Variants in GSDMB observed in about 807,000 individuals in gnomAD.
The protein encoded by GSDMB is gasdermin-B.
A neutral mutation model predicts 42.9 loss-of-function variants in GSDMB; 32 were observed. The observed-to-expected ratio is 0.75, with a 90% CI of 0.56 to 1.00. GSDMB has a LOEUF of 1.00. Among genes scored for constraint, GSDMB ranks in the 50% least tolerant of loss-of-function variants. GSDMB has a pLI of 0.00. For missense variants in GSDMB, 468 were observed against 498.5 expected (o/e 0.94, Z 0.58); for synonymous variants, 175 against 193.7 (o/e 0.90, Z 0.80).
At chr17:39,906,895 T>C in intron 7 of GSDMB, 66 bp downstream of exon 7, 1 of 1,611,736 alleles carries the variant, frequency 6.2e-7, no homozygotes, top group Non-Finnish European at 8.5e-7. Context: ...AGCAGCAGTC[T>C]TGAGCCACAT....
Position 39,905,513 on chromosome 17 carries a change from A to T in GSDMB, c.1028-17T>A. ...CAGACAGCTCTGGGGGCAAAGAAAG[A>T]GTGGTAAAAAGGAGAGATATATGGT... is the stretch of plus-strand genomic sequence containing the variant. On this transcript the variant is annotated splice_polypyrimidine_tract_variant and intron_variant, in intron 9 of 10. Coordinates refer to ENST00000418519, the MANE Select transcript of GSDMB (RefSeq NM_001165958.2). 1 of 1,595,802 alleles carries T rather than the reference A, an allele frequency of 6.3e-7. No individual in the cohort carries two copies. Among genetic ancestry groups the T allele is most frequent in the South Asian group, 1.1e-5 (1 of 89,266 alleles).
intron 3 of GSDMB, among the ~76,000 whole-genome samples, chr17:39,911,945 C>A (rs921571358): frequency 6.0e-5 from 9 of 150,148 alleles, no homozygotes; most frequent in Admixed American, 1.3e-4. Flanking sequence ...CAAAAAAAAA[C>A]AAAACAAAAA....
rs202216767 is a variant in GSDMB at position 39,905,448 on chromosome 17, G to A, written c.1076C>T (p.Thr359Ile). The change falls in exon 10 of 11, where the codon ACC (threonine) becomes ATC (isoleucine). Residue 359 changes from threonine to isoleucine, a missense_variant. Transcript: ENST00000418519. ...QFVAEALEKGTLPLLKDQVKS... is the reference protein window; with the variant it reads ...QFVAEALEKGILPLLKDQVKS... Reference sequence around the variant, plus strand: ...CACCTGGTCCTTCAACAGAGGAAGGGTCCCCTTCTCCAGGGCCTCAGCCAC... The same window carrying A: ...CACCTGGTCCTTCAACAGAGGAAGGATCCCCTTCTCCAGGGCCTCAGCCAC... 5.1e-5 allele frequency: 82 copies of A among 1,608,002 alleles called. No individual in the cohort carries two copies. Among genetic ancestry groups the A allele is most frequent in the Non-Finnish European group, 6.9e-5 (81 of 1,177,126 alleles).
At position 39,908,952 on chromosome 17, in the gene GSDMB, G is replaced by A; in HGVS notation, c.661+6C>T. Reference sequence around the variant, plus strand: ...CCCATCCTGTTCTCCATCTGCCTTTGCTTACTCATCGTCTCCTTGTTGGGG... The same window carrying A: ...CCCATCCTGTTCTCCATCTGCCTTTACTTACTCATCGTCTCCTTGTTGGGG... On this transcript the variant is annotated splice_donor_region_variant and intron_variant, in intron 5 of 10. Coordinates refer to ENST00000418519, the MANE Select transcript of GSDMB (RefSeq NM_001165958.2). The A allele has an allele frequency of 6.3e-7, 1 of 1,577,478 alleles. No individual in the cohort carries two copies. The highest frequency in any genetic ancestry group is 1.4e-5 in the African/African-American group (1 of 73,908).
At position 39,918,573 on chromosome 17, in the gene GSDMB, G is replaced by A. The variant is rs895393025; in HGVS notation, c.-54C>T. 3.9e-5 allele frequency: 6 copies of A among 152,358 alleles called. No individual in the cohort carries two copies. The highest frequency in any genetic ancestry group is 1.4e-4 in the African/African-American group (6 of 41,408). The allele number at this position is 152,358 out of a possible 1,614,324, so 9.4% of individuals were successfully genotyped here. A position where few individuals can be genotyped will look rare whatever the true frequency, so the allele number is the denominator to read the frequency against. ...CAGCTGTTCACCAGAAATGGAAGTT[G>A]TGAGAATCCCCACAGATCTCTGCAC... On this transcript the variant is annotated 5_prime_UTR_variant, in exon 1 of 11. Transcript: ENST00000418519.
intron 10 of GSDMB, 75 bp downstream of exon 10, chr17:39,905,351 G>A: frequency 3.0e-6 from 3 of 997,728 alleles, no homozygotes; most frequent in Non-Finnish European, 3.1e-6. Flanking sequence ...GCTGTACCCT[G>A]GGACTTCTGG....
At chr17:39,918,228 C>G (rs2063750466) in intron 1 of GSDMB, 1 of 152,216 alleles carries the variant, frequency 6.6e-6, no homozygotes, top group Non-Finnish European at 1.5e-5. Flanking sequence ...CTTGGGCTCC[C>G]TGCCTTGCTG....
intron 6 of GSDMB, 81 bp from the exon 7 acceptor site, chr17:39,907,068 T>C: frequency 6.2e-7 from 1 of 1,603,908 alleles, no homozygotes; most frequent in Non-Finnish European, 8.5e-7. Context: ...GTGATGGAAG[T>C]TTTTACTCTT....
Position 39,905,501 on chromosome 17 carries a change from G to A in GSDMB, c.1028-5C>T, listed in dbSNP as rs2063487822. 1 of 1,606,626 alleles carries A rather than the reference G, an allele frequency of 6.2e-7. No homozygotes were observed. Among genetic ancestry groups the A allele is most frequent in the Non-Finnish European group, 8.5e-7 (1 of 1,175,644 alleles). On this transcript the variant is annotated splice_region_variant and splice_polypyrimidine_tract_variant and intron_variant, in intron 9 of 10. Transcript: ENST00000418519. ...ACTGCTGCTCTTCAGACAGCTCTGG[G>A]GGCAAAGAAAGAGTGGTAAAAAGGA...
At position 39,909,857 on chromosome 17, in the gene GSDMB, T is replaced by A; in HGVS notation, c.475A>T (p.Thr159Ser). The change falls in exon 4 of 11, where the codon ACA becomes TCA. Residue 159 changes from threonine to serine, a missense_variant. By Grantham distance (58) the Thr-to-Ser change is moderately conservative. Transcript: ENST00000418519. ...INTRENLYLV[T>S]ETLETVKEET... ...TCCTTTACCGTCTCCAGAGTTTCTGTCACCAGATACAGGTTTTCTCTCGTA... is the reference window on the plus strand; with the variant it reads ...TCCTTTACCGTCTCCAGAGTTTCTGACACCAGATACAGGTTTTCTCTCGTA... 1 of 1,613,758 alleles carries A rather than the reference T, an allele frequency of 6.2e-7. No homozygotes were observed. The highest frequency in any genetic ancestry group is 8.5e-7 in the Non-Finnish European group (1 of 1,179,618).
chr17:39,909,903 G>A lies in GSDMB; in HGVS notation c.429C>T (p.Pro143=). Residue 143 remains proline (P), a synonymous_variant, in exon 4 of 11, where the codon CCC becomes CCT. Coordinates refer to ENST00000418519, the MANE Select transcript of GSDMB (RefSeq NM_001165958.2). ...TCGTATTAATTGATCGGAATGAAAA[G>A]GGTAGTTCCCTCTTCAGCTTCCTGG... ...LENRKLKREL[P]FSFRSINTRE... is the part of the protein sequence containing the mutation. 1 of 1,613,758 alleles carries A rather than the reference G, an allele frequency of 6.2e-7. No individual in the cohort carries two copies. Among genetic ancestry groups the A allele is most frequent in the East Asian group, 2.2e-5 (1 of 44,884 alleles).
chr17:39,914,348 A>G lies in GSDMB; in HGVS notation c.236-1851T>C, dbSNP rs536420945. On this transcript the variant is annotated intron_variant, in intron 2 of 10. Coordinates refer to ENST00000418519, the MANE Select transcript of GSDMB (RefSeq NM_001165958.2). The stretch of plus-strand genomic sequence containing the variant: ...TGCTCAAAACTGCTAAGATTATCCC[A>G]AACAGGTAAAGTCTGAGAAACTGTC... 3.3e-5 allele frequency among the ~76,000 whole-genome samples: 5 copies of G among 152,318 alleles called. No individual in the cohort carries two copies. The South Asian group carries it at 8.3e-4, about 25-fold the overall frequency.
At chr17:39,905,022 A>G in intron 10 of GSDMB, 58 bp from the exon 11 acceptor site, 1 of 1,471,440 alleles carries the variant, frequency 6.8e-7, no homozygotes, top group Non-Finnish European at 9.5e-7. Flanking sequence ...CAGAAATGGC[A>G]AATATTTGGC....
At chr17:39,905,582 T>A in intron 9 of GSDMB, 86 bp from the exon 10 acceptor site, 2 of 1,147,658 alleles carry the variant, frequency 1.7e-6, no homozygotes, top group Non-Finnish European at 2.6e-6. Flanking sequence ...ACATGTATCA[T>A]CAAAAGGTTC....
rs35104165 is a variant in GSDMB, at chr17:39,906,250, T to C, written c.749A>G (p.Asp250Gly). The change falls in exon 8 of 11, where the codon GAT becomes GGT. Residue 250 changes from aspartate (D) to glycine (G), a missense_variant. Asp to Gly is a moderately conservative substitution (Grantham distance 94). Transcript: ENST00000418519. ...SCLGKSLGSE[D>G]SRNMKEKLED... Reference sequence around the variant, plus strand: ...CAACTTCTCCTTCATGTTTCTGGAATCCTCCGAACCCAAAGACTTTCCTGT... The same window carrying C: ...CAACTTCTCCTTCATGTTTCTGGAACCCTCCGAACCCAAAGACTTTCCTGT... The C allele has an allele frequency of 0.035, 55,866 of 1,614,010 alleles. 1,135 individuals are homozygous for C. The highest frequency in any genetic ancestry group is 0.04 in the Non-Finnish European group (47,179 of 1,179,904).
intron 7 of GSDMB, chr17:39,906,515 C>G: frequency 7.5e-7 from 1 of 1,340,300 alleles, no homozygotes; most frequent in Non-Finnish European, 9.6e-7. Context: ...CCAAATTCTT[C>G]TCCACTTCCT....
At chr17:39,915,692 C>A (rs1018125898) in intron 2 of GSDMB, among the ~76,000 whole-genome samples, 1 of 150,908 alleles carries the variant, frequency 6.6e-6, no homozygotes, top group East Asian at 1.9e-4. Flanking sequence ...TTGAAAGATG[C>A]GAATCTGAAA....
chr17:39,912,860 C>T (rs2063637206), intron 2 of GSDMB, among the ~76,000 whole-genome samples: 1 of 152,192 alleles, frequency 6.6e-6, no homozygotes, highest in Admixed American at 6.5e-5. Flanking sequence ...AATCCCAGAA[C>T]TTTGGGAGGC....
intron 4 of GSDMB, 74 bp downstream of exon 4, chr17:39,909,682 G>T: frequency 7.5e-7 from 1 of 1,331,774 alleles, no homozygotes; most frequent in Non-Finnish European, 1.1e-6. Context: ...AAGAGTCTAA[G>T]GCTGGCATCG....
Sources: allele counts gnomAD v4.1 joint callset (sites outside exome capture counted in the v4.1 genomes callset), GRCh38; gene constraint gnomAD v4.1.1; transcripts MANE v1.5; gene names NCBI Gene and HGNC (gene_info 2026-07-23, HGNC 2026-07-21).